Variants in ATXN7 observed in about 807,000 individuals in gnomAD.
ATXN7 encodes ataxin 7, also known as ataxin-7.
ATXN7 carries 12 observed loss-of-function variants against 70.5 expected under a neutral mutation model. The ratio of observed to expected loss-of-function variants is 0.17; its 90% confidence interval spans 0.11 to 0.28. ATXN7 has a LOEUF of 0.28. ATXN7 is among the 10% of genes least tolerant of loss of function. The pLI is 1.00. For synonymous variants in ATXN7, 498 were observed against 448.7 expected, an observed-to-expected ratio of 1.11 and a Z score of -1.39; for missense variants, 1,256 against 1,131.7, an observed-to-expected ratio of 1.11 and a Z score of -1.58.
At chr3:63,882,384 T>C (rs1386380977) in intron 1 of ATXN7, among the ~76,000 whole-genome samples, 1 of 150,684 alleles carries the variant, frequency 6.6e-6, no homozygotes, top group African/African-American at 2.4e-5. Context: ...GGCCTTTGAT[T>C]CTTTTTTTTT....
At chr3:63,887,332 A>G (rs1234181745) in intron 1 of ATXN7, among the ~76,000 whole-genome samples, 1 of 152,176 alleles carries the variant, frequency 6.6e-6, no homozygotes, top group Non-Finnish European at 1.5e-5. Flanking sequence ...TCTCTTATTT[A>G]TTATTGGCAC....
chr3:63,954,711 G>GT (rs375112554), intron 5 of ATXN7, among the ~76,000 whole-genome samples: 1,645 of 112,390 alleles, frequency 0.015, 29 homozygotes, highest in Non-Finnish European at 0.018. Context: ...TTTTTTTTTT[G>GT]TTTTTTTTTT....
chr3:63,960,996 A>C (rs1310214113), intron 5 of ATXN7, among the ~76,000 whole-genome samples: 2 of 152,162 alleles, frequency 1.3e-5, no homozygotes, highest in African/African-American at 4.8e-5. Context: ...AACAAAAACC[A>C]CTGCCTTTCA....
chr3:63,967,220 C>G (rs1056263880), intron 5 of ATXN7, among the ~76,000 whole-genome samples: 1 of 152,098 alleles, frequency 6.6e-6, no homozygotes, highest in Non-Finnish European at 1.5e-5. Context: ...GAGAGAAATT[C>G]TTGGATTTAA....
At chr3:63,989,155 C>T (rs1487706839) in intron 9 of ATXN7, among the ~76,000 whole-genome samples, 1 of 152,210 alleles carries the variant, frequency 6.6e-6, no homozygotes, top group Non-Finnish European at 1.5e-5. Context: ...CCTGTCCCAA[C>T]GTGAGCTTTG....
Position 63,996,469 on chromosome 3 carries a change from T to A in ATXN7, c.2647T>A (p.Ser883Thr), listed in dbSNP as rs1436401909. 1 of 1,614,012 alleles carries A rather than the reference T, an allele frequency of 6.2e-7. No homozygotes were observed. Among genetic ancestry groups the A allele is most frequent in the Middle Eastern group, 1.6e-4 (1 of 6,062 alleles). ...IPGAQGLMNS[S>T]LLHQPKARP ...AGGGGCACAAGGACTGATGAACAGTTCCCTCCTTCATCAGGTAGGAAATGG... is the reference window on the plus strand; with the variant it reads ...AGGGGCACAAGGACTGATGAACAGTACCCTCCTTCATCAGGTAGGAAATGG... Residue 883 changes from serine to threonine, a missense_variant, in exon 12 of 13, where the codon TCC becomes ACC. By Grantham distance (58) the Ser-to-Thr change is moderately conservative (BLOSUM62 1). Coordinates refer to ENST00000674280, the MANE Select transcript of ATXN7 (RefSeq NM_001377405.1).
chr3:63,989,562 T>C (rs528287733), intron 9 of ATXN7, among the ~76,000 whole-genome samples: 1 of 132,604 alleles, frequency 7.5e-6, no homozygotes, highest in Non-Finnish European at 1.6e-5. Context: ...ATGTATAGGC[T>C]TTTTTTTTTT....
chr3:63,950,475 G>A (rs1428761939), intron 4 of ATXN7, among the ~76,000 whole-genome samples: 1 of 152,008 alleles, frequency 6.6e-6, no homozygotes, highest in African/African-American at 2.4e-5. Flanking sequence ...AACTAATTGA[G>A]TTGATTTCAT....
intron 5 of ATXN7, among the ~76,000 whole-genome samples, chr3:63,972,418 A>G (rs2075326762): frequency 6.6e-6 from 1 of 152,192 alleles, no homozygotes; most frequent in Non-Finnish European, 1.5e-5. Context: ...GGTATTTCTC[A>G]TAAGGCCCAT....
intron 4 of ATXN7, among the ~76,000 whole-genome samples, chr3:63,939,946 G>A (rs1412894733): frequency 6.6e-6 from 1 of 151,900 alleles, no homozygotes; most frequent in African/African-American, 2.4e-5. Context: ...CTCATTCTGT[G>A]ACCTATTCCT....
At chr3:63,919,479 C>T (rs2107314858) in intron 4 of ATXN7, among the ~76,000 whole-genome samples, 1 of 152,228 alleles carries the variant, frequency 6.6e-6, no homozygotes, top group South Asian at 2.1e-4. Flanking sequence ...ATCCGTTAGT[C>T]TTAAACCAAG....
chr3:63,900,039 A>T (rs771252149), intron 2 of ATXN7, among the ~76,000 whole-genome samples: 1 of 152,180 alleles, frequency 6.6e-6, no homozygotes, highest in African/African-American at 2.4e-5. Context: ...AGCCATGATG[A>T]TGCTGCTGCA....
At chr3:63,885,505 T>C (rs1462294121) in intron 1 of ATXN7, among the ~76,000 whole-genome samples, 1 of 152,158 alleles carries the variant, frequency 6.6e-6, no homozygotes, top group Non-Finnish European at 1.5e-5. Context: ...ATGTAAATTA[T>C]AGTACAGCCA....
At chr3:63,990,535 G>C (rs1200044262) in intron 10 of ATXN7, 161 bp downstream of exon 10, 2 of 1,142,312 alleles carry the variant, frequency 1.8e-6, no homozygotes, top group Non-Finnish European at 2.5e-6. Context: ...CACACACTCT[G>C]TACGGGGGAC....
chr3:63,901,625 T>C (rs181766618), intron 2 of ATXN7: 2 of 152,300 alleles, frequency 1.3e-5, no homozygotes, highest in East Asian at 1.9e-4. Context: ...GGGGTCTCGC[T>C]ATGTGTCCTA....
chr3:63,922,167 G>A (rs1032656671), intron 4 of ATXN7, among the ~76,000 whole-genome samples: 1 of 151,984 alleles, frequency 6.6e-6, no homozygotes, highest in African/African-American at 2.4e-5. Flanking sequence ...AGCCTCCTGA[G>A]TAGCTGGGGC....
chr3:63,948,666 G>T lies in ATXN7; in HGVS notation c.395-3713G>T, dbSNP rs556709965. On this transcript the variant is annotated intron_variant, in intron 4 of 12. Transcript: ENST00000674280. ...ACCACAGTTTGGGGTATGGTTTCTA[G>T]CAGAGGGACTTCATTCTGCATGTGA... Among the ~76,000 whole-genome samples the T allele has an allele frequency of 6.6e-5, 10 of 152,284 alleles. No individual in the cohort carries two copies. The South Asian group carries it at 2.1e-3, about 32-fold the overall frequency.
intron 5 of ATXN7, chr3:63,968,522 T>G (rs1299489716): frequency 1.3e-5 from 2 of 152,302 alleles, no homozygotes; most frequent in African/African-American, 2.4e-5. Context: ...GTTTGAAAGC[T>G]GTTTTGTCAG....
chr3:63,934,200 T>C (rs3774715), intron 4 of ATXN7, among the ~76,000 whole-genome samples: 16,262 of 152,276 alleles, frequency 0.11, 1,069 homozygotes, highest in Admixed American at 0.16. Context: ...TTCATACTTC[T>C]TGCCTGCTGG....
Sources: allele counts gnomAD v4.1 joint callset (sites outside exome capture counted in the v4.1 genomes callset), GRCh38; gene constraint gnomAD v4.1.1; transcripts MANE v1.5; gene names NCBI Gene and HGNC (gene_info 2026-07-23, HGNC 2026-07-21).